Variants in UNC79 observed in about 807,000 individuals in gnomAD.
UNC79 encodes unc-79 subunit of NALCN channel complex, also known as protein unc-79 homolog.
In UNC79, 37 loss-of-function variants were observed where a neutral mutation model predicts 283.1. That is an observed-to-expected ratio of 0.13 (90% CI 0.10 to 0.17). The LOEUF is 0.17. Ranked by LOEUF, UNC79 falls within the 10% of genes least tolerant of loss-of-function variation. The probability of loss-of-function intolerance (pLI) is 1.00; values close to 1 mark genes in which losing one functional copy is unlikely to be tolerated. For synonymous variants in UNC79, 1,107 were observed against 1,200.2 expected (o/e 0.92, Z 1.61); for missense variants, 2,272 against 3,211.1 (o/e 0.71, Z 7.07).
chr14:93,698,231 TAGTTCAA>T (rs1233467222), intron 47 of UNC79, among the ~76,000 whole-genome samples: 13 of 152,200 alleles, frequency 8.5e-5, no homozygotes, highest in Non-Finnish European at 1.9e-4. Flanking sequence ...CTAAGTAAGT[TAGTTCAA>T]AGTTTTTGAT....
At chr14:93,611,226 A>G (rs895478989) in intron 26 of UNC79, among the ~76,000 whole-genome samples, 3 of 152,214 alleles carry the variant, frequency 2.0e-5, no homozygotes, top group African/African-American at 4.8e-5. Flanking sequence ...TGCGTCATAC[A>G]TACTCATTCC....
At chr14:93,528,420 T>C in intron 8 of UNC79, 138 bp from the exon 9 acceptor site, 1 of 706,904 alleles carries the variant, frequency 1.4e-6, no homozygotes, top group Non-Finnish European at 2.3e-6. Context: ...CATTTATCGG[T>C]AAAAAGGGTT....
In UNC79 at chr14:93,497,144, C is replaced by T; in HGVS notation, c.769-13C>T. The T allele has an allele frequency of 6.2e-7, 1 of 1,604,086 alleles. No individual in the cohort carries two copies. The highest frequency in any genetic ancestry group is 8.5e-7 in the Non-Finnish European group (1 of 1,176,852). The stretch of plus-strand genomic sequence containing the variant: ...ATGATGCTAAGTCAAAATATGCTTG[C>T]TGTTTCCTTTAGGATCTTTTGTATG... On this transcript the variant is annotated splice_polypyrimidine_tract_variant and intron_variant, in intron 6 of 48. Transcript: ENST00000555664.
At chr14:93,671,471 A>G (rs2072848213) in intron 40 of UNC79, among the ~76,000 whole-genome samples, 1 of 152,200 alleles carries the variant, frequency 6.6e-6, no homozygotes, top group South Asian at 2.1e-4. Context: ...CAAACTCAAC[A>G]GTAAAAAAAC....
intron 1 of UNC79, among the ~76,000 whole-genome samples, chr14:93,465,701 G>C (rs1439419514): frequency 6.6e-6 from 1 of 152,182 alleles, no homozygotes; most frequent in Non-Finnish European, 1.5e-5. Context: ...ATTGAGTTGA[G>C]GGATTTGTGA....
At chr14:93,666,440 A>G (rs566535017) in intron 40 of UNC79, among the ~76,000 whole-genome samples, 9 of 152,286 alleles carry the variant, frequency 5.9e-5, no homozygotes, top group Non-Finnish European at 1.3e-4. Flanking sequence ...TGAAAAAGAT[A>G]TACCAGACTA....
At chr14:93,591,719 C>T (rs973675539) in intron 22 of UNC79, among the ~76,000 whole-genome samples, 7 of 152,250 alleles carry the variant, frequency 4.6e-5, no homozygotes, top group Non-Finnish European at 1.0e-4. Flanking sequence ...TTTCTGGGAG[C>T]ACTTCCAGCG....
At chr14:93,592,358 TA>T (rs1178100058) in intron 22 of UNC79, among the ~76,000 whole-genome samples, 1 of 151,988 alleles carries the variant, frequency 6.6e-6, no homozygotes, top group Non-Finnish European at 1.5e-5. Context: ...GTATTTTTAG[TA>T]GAGACGGAGT....
chr14:93,635,491 G>A (rs967271559), intron 31 of UNC79, among the ~76,000 whole-genome samples: 2 of 152,208 alleles, frequency 1.3e-5, no homozygotes, highest in South Asian at 2.1e-4. Context: ...TCTGGCTGCA[G>A]TGATGTGAGA....
At chr14:93,665,147 A>G (rs924749221) in intron 40 of UNC79, among the ~76,000 whole-genome samples, 4 of 149,888 alleles carry the variant, frequency 2.7e-5, no homozygotes, top group African/African-American at 4.9e-5. Flanking sequence ...TAATAAAAAT[A>G]TAAATCTAAA....
At chr14:93,502,287 C>T (rs1026179602) in intron 7 of UNC79, among the ~76,000 whole-genome samples, 1 of 152,044 alleles carries the variant, frequency 6.6e-6, no homozygotes, top group African/African-American at 2.4e-5. Flanking sequence ...GTGGTGGGCA[C>T]CTGTAGTCCC....
chr14:93,554,850 C>T (rs2141342703), intron 14 of UNC79, among the ~76,000 whole-genome samples: 1 of 152,272 alleles, frequency 6.6e-6, no homozygotes, highest in African/African-American at 2.4e-5. Flanking sequence ...CATTCCCATG[C>T]CTTTTTCTTA....
chr14:93,644,597 G>C (rs536396268), intron 34 of UNC79, among the ~76,000 whole-genome samples: 1 of 152,288 alleles, frequency 6.6e-6, no homozygotes, highest in African/African-American at 2.4e-5. Flanking sequence ...CTAAGTGCTA[G>C]AGAAGATTAG....
intron 14 of UNC79, among the ~76,000 whole-genome samples, chr14:93,557,873 G>A (rs2062265002): frequency 6.6e-6 from 1 of 152,188 alleles, no homozygotes; most frequent in East Asian, 1.9e-4. Context: ...GATTTTAACT[G>A]CTTAAGAGAA....
At chr14:93,593,799 A>G (rs781571535) in exon 23 of UNC79, 1 of 1,613,808 alleles carries the variant, frequency 6.2e-7, no homozygotes, top group African/African-American at 1.3e-5. Flanking sequence ...ATAAATGGCA[A>G]TTTCAACAGC....
intron 26 of UNC79, among the ~76,000 whole-genome samples, chr14:93,611,904 A>T (rs911276940): frequency 7.9e-5 from 12 of 152,168 alleles, no homozygotes; most frequent in Non-Finnish European, 1.5e-4. Flanking sequence ...TAGAAGAGCA[A>T]ATATCAGTCT....
intron 1 of UNC79, among the ~76,000 whole-genome samples, chr14:93,333,834 C>T (rs1204605429): frequency 1.3e-5 from 2 of 152,138 alleles, no homozygotes; most frequent in Non-Finnish European, 2.9e-5. Context: ...TTGTGGTAGT[C>T]AGGATAGGTG....
intron 46 of UNC79, among the ~76,000 whole-genome samples, chr14:93,693,020 T>A (rs1442300594): frequency 6.6e-6 from 1 of 152,098 alleles, no homozygotes; most frequent in Non-Finnish European, 1.5e-5. Context: ...ATTCAGGAAA[T>A]TTTTTTTAAT....
intron 1 of UNC79, among the ~76,000 whole-genome samples, chr14:93,353,235 A>G (rs945636444): frequency 2.0e-5 from 3 of 152,130 alleles, no homozygotes; most frequent in Admixed American, 1.3e-4. Flanking sequence ...ACAGTATCTC[A>G]CTGTGTCGCC....
Sources: gnomAD v4.1 joint callset for allele counts (sites outside exome capture counted in the v4.1 genomes callset) on GRCh38, gnomAD v4.1.1 for gene constraint, MANE v1.5 for transcripts, NCBI Gene and HGNC (gene_info 2026-07-23, HGNC 2026-07-21) for gene names.